Variants in DLG3 observed in about 807,000 individuals in gnomAD.
The protein encoded by DLG3 is disks large homolog 3.
Under a neutral mutation model 64.1 loss-of-function variants are expected in DLG3, and 1 was observed. The observed-to-expected ratio is 0.02, with a 90% confidence interval of 0.01 to 0.07. DLG3 has a LOEUF of 0.07. DLG3 is among the 10% of genes least tolerant of loss of function. The pLI, the probability that DLG3 is intolerant of heterozygous loss-of-function variation, is 1.00. For synonymous variants in DLG3, 245 were observed against 259.8 expected, an observed-to-expected ratio of 0.94 and a Z score of 0.55; for missense variants, 429 against 669.5, an observed-to-expected ratio of 0.64 and a Z score of 3.96.
At chrX:70,457,987 C>T (rs2086744667) in intron 9 of DLG3, among the ~76,000 whole-genome samples, 1 of 111,189 alleles carries the variant, frequency 9.0e-6, no homozygotes, top group Non-Finnish European at 1.9e-5. Context: ...GCCATCCTCC[C>T]ACCTCAGCCT....
At chrX:70,476,630 T>A (rs2087058583) in intron 9 of DLG3, among the ~76,000 whole-genome samples, 1 of 112,457 alleles carries the variant, frequency 8.9e-6, no homozygotes, top group Admixed American at 9.4e-5. Context: ...TTAAAAATAA[T>A]AAACCCCAAT....
At chrX:70,469,037 G>T (rs186944769) in intron 9 of DLG3, among the ~76,000 whole-genome samples, 1 of 110,956 alleles carries the variant, frequency 9.0e-6, no homozygotes, top group African/African-American at 3.3e-5. Flanking sequence ...TTCAGACAAG[G>T]TGTTACTCTG....
At chrX:70,502,045 T>G in intron 18 of DLG3, 118 bp from the exon 19 acceptor site, 3 of 540,182 alleles carry the variant, frequency 5.6e-6, no homozygotes, top group Non-Finnish European at 9.7e-6. Context: ...ATGTCCTTCA[T>G]GTGAGGGGTG....
chrX:70,449,385 C>A lies in DLG3; in HGVS notation c.435C>A (p.Ile145=). 4 of 1,211,560 alleles carry A rather than the reference C, an allele frequency of 3.3e-6. No individual in the cohort carries two copies. Among genetic ancestry groups the A allele is most frequent in the Non-Finnish European group, 4.5e-6 (4 of 895,361 alleles). ...ERGNSGLGFS[I]AGGIDNPHVP... ...GCAACTCTGGCCTGGGCTTCAGTAT[C>A]GCAGGTGGCATCGACAATCCCCATG... Residue 145 remains isoleucine, a synonymous_variant, in exon 3 of 19, where the codon ATC becomes ATA. Coordinates refer to ENST00000374360, the MANE Select transcript of DLG3 (RefSeq NM_021120.4).
chrX:70,493,013 A>G (rs1375845395), intron 12 of DLG3, among the ~76,000 whole-genome samples: 5 of 111,544 alleles, frequency 4.5e-5, no homozygotes, highest in Non-Finnish European at 5.7e-5. Flanking sequence ...TGAGCTTCAC[A>G]GGCCAAAGAA....
chrX:70,481,874 G>GC (rs1394999502), intron 10 of DLG3, among the ~76,000 whole-genome samples: 2 of 111,523 alleles, frequency 1.8e-5, no homozygotes, highest in Non-Finnish European at 3.8e-5. Context: ...CATTAGCTCT[G>GC]CCCCCCTAAA....
At chrX:70,482,666 T>TTTTTTG (rs2087180758) in intron 10 of DLG3, among the ~76,000 whole-genome samples, 1 of 76,668 alleles carries the variant, frequency 1.3e-5, no homozygotes, top group African/African-American at 5.3e-5. Context: ...TGTGGTGTTT[T>TTTTTTG]TTTTTTTTTT....
intron 10 of DLG3, among the ~76,000 whole-genome samples, chrX:70,483,657 G>A (rs990068965): frequency 8.9e-6 from 1 of 112,741 alleles, no homozygotes; most frequent in African/African-American, 3.2e-5. Flanking sequence ...TCTAACAGGT[G>A]AAACCCTAGG....
chrX:70,493,326 G>GTTT (rs749847726), intron 12 of DLG3: 4 of 901,484 alleles, frequency 4.4e-6, no homozygotes, highest in South Asian at 2.4e-5. Context: ...CCATTGTTCT[G>GTTT]TTTTTTTTTT....
At chrX:70,500,070 C>T in intron 16 of DLG3, 21 bp downstream of exon 16, 2 of 1,188,974 alleles carry the variant, frequency 1.7e-6, no homozygotes, top group East Asian at 5.9e-5. Context: ...AGGAGATGGC[C>T]TCAAAGGGGA....
intron 9 of DLG3, chrX:70,455,115 G>C (rs1484057883): frequency 1.4e-6 from 1 of 729,205 alleles, no homozygotes; most frequent in African/African-American, 2.4e-5. Context: ...CGCCTCAGGC[G>C]TCTCCTCCTC....
At chrX:70,452,403 C>G (rs1404903665) in intron 7 of DLG3, 5 of 945,173 alleles carry the variant, frequency 5.3e-6, no homozygotes, top group Non-Finnish European at 6.6e-6. Flanking sequence ...GCAGTTCAGC[C>G]GGTGGGGCTG....
rs758101709 is a variant in DLG3, at chrX:70,492,546, T to C, written c.1723T>C (p.Leu575=). ...GGTGGAAAAGAAAGAAAGAGCTCGATTGAAAACTGTGAAGTTCCATGCCAG... is the reference window on the plus strand; with the variant it reads ...GGTGGAAAAGAAAGAAAGAGCTCGACTGAAAACTGTGAAGTTCCATGCCAG... ...KRVEKKERAR[L]KTVKFHARTG... Residue 575 remains leucine, a synonymous_variant, in exon 12 of 19, where the codon TTG becomes CTG. Coordinates refer to ENST00000374360, the MANE Select transcript of DLG3 (RefSeq NM_021120.4). The C allele has an allele frequency of 5.8e-6, 7 of 1,211,380 alleles. No homozygotes were observed. Among genetic ancestry groups the C allele is most frequent in the Non-Finnish European group, 5.6e-6 (5 of 895,381 alleles).
intron 10 of DLG3, among the ~76,000 whole-genome samples, chrX:70,482,662 G>GTTTTGTTTTTT (rs2087178554): frequency 1.5e-5 from 1 of 66,089 alleles, no homozygotes; most frequent in Non-Finnish European, 2.7e-5. Flanking sequence ...CATGTGTGGT[G>GTTTTGTTTTTT]TTTTTTTTTT....
chrX:70,451,992 C>G lies in DLG3; in HGVS notation c.1111C>G (p.Pro371Ala). ...QVPPTRYSPI[P>A]RHMLAEEDFT... is the part of the protein sequence containing the mutation. ...TCCCCCCACCCGCTACTCTCCTATT[C>G]CCAGGCACATGCTGGCTGAGGAGGA... Residue 371 changes from proline to alanine, a missense_variant, in exon 7 of 19, where the codon CCC (proline) becomes GCC (alanine). Around this residue, in one of 9 missense-constraint regions of DLG3, gnomAD observed 54 missense variants for 54.4 expected, o/e 0.99. Coordinates refer to ENST00000374360, the MANE Select transcript of DLG3 (RefSeq NM_021120.4). 1 of 1,211,455 alleles carries G rather than the reference C, an allele frequency of 8.3e-7. No homozygotes were observed. The highest frequency in any genetic ancestry group is 1.1e-6 in the Non-Finnish European group (1 of 895,334).
intron 10 of DLG3, among the ~76,000 whole-genome samples, chrX:70,489,090 T>C (rs760443308): frequency 8.9e-6 from 1 of 111,811 alleles, no homozygotes; most frequent in East Asian, 2.8e-4. Context: ...GTGCTTGATA[T>C]ATCTGCTTCC....
intron 10 of DLG3, among the ~76,000 whole-genome samples, chrX:70,485,974 G>A (rs893887074): frequency 6.3e-5 from 7 of 110,869 alleles, no homozygotes; most frequent in African/African-American, 2.3e-4. Context: ...AGACCTTTGG[G>A]AACACTTTCT....
intron 7 of DLG3, chrX:70,452,934 A>T: frequency 2.4e-6 from 1 of 411,727 alleles, no homozygotes; most frequent in South Asian, 5.7e-5. Context: ...GGCGGATGAC[A>T]CTGTGACCTT....
At chrX:70,485,813 T>C (rs1360093671) in intron 10 of DLG3, among the ~76,000 whole-genome samples, 1 of 111,752 alleles carries the variant, frequency 8.9e-6, no homozygotes, top group Non-Finnish European at 1.9e-5. Flanking sequence ...GAGCTGGTTA[T>C]ATTCTTGCTT....
Sources: gnomAD v4.1 joint callset for allele counts (sites outside exome capture counted in the v4.1 genomes callset) on GRCh38, gnomAD v4.1.1 for gene constraint, gnomAD v4.1.1 regional missense constraint, MANE v1.5 for transcripts, NCBI Gene and HGNC (gene_info 2026-07-23, HGNC 2026-07-21) for gene names.